Variants in RORA observed in about 807,000 individuals in gnomAD.
RORA encodes RAR related orphan receptor A.
Under a neutral mutation model 69.5 loss-of-function variants are expected in RORA, and 7 were observed. The ratio of observed to expected loss-of-function variants is 0.10; its 90% CI spans 0.06 to 0.19. The LOEUF (loss-of-function observed/expected upper bound fraction) is 0.19. Ranked by LOEUF, RORA falls within the 10% of genes least tolerant of loss-of-function variation. The pLI is 1.00. For synonymous variants in RORA, 261 were observed against 240.8 expected (o/e 1.08, Z -0.78); for missense variants, 457 against 663.0 (o/e 0.69, Z 3.41).
At chr15:60,674,114 C>T (rs977878709) in intron 2 of RORA, among the ~76,000 whole-genome samples, 3 of 152,252 alleles carry the variant, frequency 2.0e-5, no homozygotes, top group African/African-American at 4.8e-5. Context: ...TTATAACTGC[C>T]GTGAGTCACT....
intron 3 of RORA, chr15:60,529,317 T>C (rs990427664): frequency 2.6e-5 from 4 of 152,148 alleles, no homozygotes; most frequent in African/African-American, 9.7e-5. Context: ...GGTTAGAACA[T>C]GATAAATAAT....
intron 2 of RORA, among the ~76,000 whole-genome samples, chr15:60,577,007 A>T (rs12912196): frequency 0.2 from 30,638 of 152,242 alleles, 3,388 homozygotes; most frequent in Middle Eastern, 0.25. Context: ...AAGCCTCTGT[A>T]AACCACAAAT....
chr15:61,037,899 A>G (rs1896541568), intron 1 of RORA, among the ~76,000 whole-genome samples: 1 of 152,222 alleles, frequency 6.6e-6, no homozygotes, highest in Non-Finnish European at 1.5e-5. Flanking sequence ...ATAGCATGCC[A>G]TTGTGAGAGA....
At chr15:61,044,500 G>C (rs1896932743) in intron 1 of RORA, among the ~76,000 whole-genome samples, 1 of 152,132 alleles carries the variant, frequency 6.6e-6, no homozygotes, top group South Asian at 2.1e-4. Flanking sequence ...ATCCACACCT[G>C]AGTTGGAAGT....
At chr15:60,632,379 TTAC>T (rs1330217056) in intron 2 of RORA, among the ~76,000 whole-genome samples, 5 of 152,232 alleles carry the variant, frequency 3.3e-5, no homozygotes, top group Non-Finnish European at 5.9e-5. Context: ...AGTGCTGGGA[TTAC>T]ATGCATGAGC....
intron 1 of RORA, among the ~76,000 whole-genome samples, chr15:60,862,627 G>A (rs2073445450): frequency 6.6e-6 from 1 of 152,200 alleles, no homozygotes; most frequent in South Asian, 2.1e-4. Flanking sequence ...AGAGTGGGAG[G>A]TGTATTTTGG....
chr15:60,558,372 CTTGT>C (rs2067432801), intron 2 of RORA: 4 of 1,008,828 alleles, frequency 4.0e-6, no homozygotes, highest in Non-Finnish European at 4.6e-6. Flanking sequence ...TGGCCACTGC[CTTGT>C]TTATTACAAA....
chr15:60,872,358 A>C (rs990889404), intron 1 of RORA, among the ~76,000 whole-genome samples: 1 of 152,188 alleles, frequency 6.6e-6, no homozygotes, highest in Non-Finnish European at 1.5e-5. Context: ...GACGTTGGGT[A>C]TCTTGAGAAG....
At chr15:61,188,375 C>T (rs954817855) in intron 1 of RORA, among the ~76,000 whole-genome samples, 11 of 152,276 alleles carry the variant, frequency 7.2e-5, no homozygotes, top group African/African-American at 1.4e-4. Flanking sequence ...GTGGGTGGGC[C>T]GGGTTTGACC....
At chr15:60,973,618 C>A (rs561858250) in intron 1 of RORA, among the ~76,000 whole-genome samples, 1 of 152,336 alleles carries the variant, frequency 6.6e-6, no homozygotes, top group South Asian at 2.1e-4. Flanking sequence ...TGACAAACGG[C>A]ACATCCCAGC....
chr15:61,192,683 T>C (rs1229443630), intron 1 of RORA, among the ~76,000 whole-genome samples: 1 of 152,202 alleles, frequency 6.6e-6, no homozygotes, highest in Non-Finnish European at 1.5e-5. Flanking sequence ...ATGGAATAGA[T>C]TATAATGCAC....
chr15:60,493,513 G>A lies in RORA; in HGVS notation c.*3942C>T, dbSNP rs1489041666. ...AGGTTGTTTTGCATTTTGGAATGTC[G>A]GAACACAACAACTAGCTATTCCTTA... On this transcript the variant is annotated 3_prime_UTR_variant, in exon 11 of 11. Coordinates refer to ENST00000335670, the MANE Select transcript of RORA (RefSeq NM_134261.3). 6.6e-6 allele frequency: 1 copy of A among 152,080 alleles called. No individual in the cohort carries two copies. Among genetic ancestry groups the A allele is most frequent in the East Asian group, 1.9e-4 (1 of 5,176 alleles). 9.4% of individuals were successfully genotyped at this position (152,080 alleles called of 1,614,324 possible).
chr15:60,568,628 G>A (rs962073081), intron 2 of RORA, among the ~76,000 whole-genome samples: 1 of 152,204 alleles, frequency 6.6e-6, no homozygotes, highest in African/African-American at 2.4e-5. Context: ...AGCAGGCCAG[G>A]CACAGATCCT....
At chr15:60,764,799 T>G (rs1421084827) in intron 1 of RORA, 2 of 152,238 alleles carry the variant, frequency 1.3e-5, no homozygotes, top group Non-Finnish European at 2.9e-5. Flanking sequence ...ATGAAATACC[T>G]TCCTTGCCAA....
At chr15:61,006,607 G>A (rs184159015) in intron 1 of RORA, among the ~76,000 whole-genome samples, 1 of 152,264 alleles carries the variant, frequency 6.6e-6, no homozygotes, top group Admixed American at 6.5e-5. Context: ...AATCCATGCT[G>A]TTGCTCCTTC....
chr15:61,212,773 C>A (rs1016266836), intron 1 of RORA, among the ~76,000 whole-genome samples: 1 of 152,138 alleles, frequency 6.6e-6, no homozygotes, highest in Non-Finnish European at 1.5e-5. Flanking sequence ...TCTTTGTCAT[C>A]GTACCAATCC....
intron 2 of RORA, among the ~76,000 whole-genome samples, chr15:60,634,017 G>A (rs1443965175): frequency 6.6e-6 from 1 of 151,916 alleles, no homozygotes; most frequent in Non-Finnish European, 1.5e-5. Context: ...CCTTTTCAAC[G>A]GCTTGTTGAA....
intron 1 of RORA, among the ~76,000 whole-genome samples, chr15:60,726,133 T>C (rs1395832035): frequency 6.6e-6 from 1 of 152,142 alleles, no homozygotes; most frequent in Non-Finnish European, 1.5e-5. Context: ...TATTAGGTGA[T>C]GAGGTTGGGG....
chr15:60,820,086 A>G (rs2072874260), intron 1 of RORA, among the ~76,000 whole-genome samples: 1 of 152,248 alleles, frequency 6.6e-6, no homozygotes, highest in African/African-American at 2.4e-5. Flanking sequence ...CAGAAGTTTG[A>G]AAAGCCTTCC....
Sources: gnomAD v4.1 joint callset for allele counts (sites outside exome capture counted in the v4.1 genomes callset) on GRCh38, gnomAD v4.1.1 for gene constraint, MANE v1.5 for transcripts, NCBI Gene and HGNC (gene_info 2026-07-23, HGNC 2026-07-21) for gene names.